Variants in KDM4C observed in about 807,000 individuals in gnomAD.
KDM4C encodes the protein lysine-specific demethylase 4C.
KDM4C carries 81 observed loss-of-function variants against 129.3 expected under a neutral mutation model. The ratio of observed to expected loss-of-function variants is 0.63; its 90% confidence interval spans 0.52 to 0.75. The LOEUF (loss-of-function observed/expected upper bound fraction) is 0.75. KDM4C is among the 30% of genes least tolerant of loss of function. The probability of loss-of-function intolerance (pLI) is 0.00; values close to 1 mark genes in which losing one functional copy is unlikely to be tolerated. For missense variants in KDM4C, 1,457 were observed against 1,304.0 expected, an observed-to-expected ratio of 1.12 and a Z score of -1.81; for synonymous variants, 573 against 456.1, an observed-to-expected ratio of 1.26 and a Z score of -3.26.
At chr9:6,959,408 T>C (rs1190410114) in intron 8 of KDM4C, among the ~76,000 whole-genome samples, 2 of 152,224 alleles carry the variant, frequency 1.3e-5, no homozygotes, top group East Asian at 3.8e-4. Context: ...TTGGAGAATA[T>C]GCCTTGAAGA....
intron 8 of KDM4C, among the ~76,000 whole-genome samples, chr9:6,933,084 C>T (rs535902599): frequency 1.3e-4 from 20 of 152,030 alleles, no homozygotes; most frequent in African/African-American, 3.6e-4. Flanking sequence ...ATTTTAATTC[C>T]GTAAGAAGTA....
At position 6,803,072 on chromosome 9, in the gene KDM4C, C is replaced by T. The variant is rs370717572; in HGVS notation, c.145-2527C>T. Among the ~76,000 whole-genome samples, 31 of 152,258 alleles carry T rather than the reference C, an allele frequency of 2.0e-4. No individual in the cohort carries two copies. In the South Asian group the frequency reaches 5.0e-3, roughly 24 times the overall value. ...CCAGCAATGAAGTCATTGCCATAAA[C>T]ACCGTAATTGTGGTTACCTCTTGGG... On this transcript the variant is annotated intron_variant, in intron 2 of 21. Transcript: ENST00000381309.
chr9:6,906,025 C>G (rs937499385), intron 8 of KDM4C, among the ~76,000 whole-genome samples: 1 of 151,958 alleles, frequency 6.6e-6, no homozygotes. Context: ...GAGTAAGTGA[C>G]GCATAGCTAC....
At position 6,793,003 on chromosome 9, in the gene KDM4C, GGTGGAA is replaced by G; in HGVS notation, c.16_21del (p.Val6_Glu7del). 1 of 1,614,176 alleles carries G rather than the reference GGTGGAA, an allele frequency of 6.2e-7. No homozygotes were observed. Among genetic ancestry groups the G allele is most frequent in the Non-Finnish European group, 8.5e-7 (1 of 1,180,032 alleles). ...CCCTAACCATCATGGAGGTGGCCGA[GGTGGAA>G]AGTCCTCTGAACCCCAGCTGTAAGA... is the stretch of plus-strand genomic sequence containing the variant. On this transcript the variant is annotated inframe_deletion, in exon 2 of 22. Transcript: ENST00000381309.
rs577226838 is a variant in KDM4C at position 6,823,500 on chromosome 9, G to T, written c.435+8755G>T. Among the ~76,000 whole-genome samples the T allele has an allele frequency of 2.4e-4, 36 of 152,300 alleles. No homozygotes were observed. In the South Asian group the frequency reaches 7.5e-3, roughly 32 times the overall value. On this transcript the variant is annotated intron_variant, in intron 4 of 21. Coordinates refer to ENST00000381309, the MANE Select transcript of KDM4C (RefSeq NM_015061.6). ...CCACACTTCACTGTGAGGGGATGGT[G>T]CCCTACCTGTCACCTTCAACTTCTG...
chr9:6,933,826 A>C (rs945559478), intron 8 of KDM4C, among the ~76,000 whole-genome samples: 1 of 151,664 alleles, frequency 6.6e-6, no homozygotes, highest in Non-Finnish European at 1.5e-5. Flanking sequence ...ATTTTTTTCC[A>C]GGTCTTCCTG....
chr9:7,103,933 T>A, intron 18 of KDM4C, 63 bp downstream of exon 18: 2 of 1,411,750 alleles, frequency 1.4e-6, no homozygotes, highest in Non-Finnish European at 2.0e-6. Flanking sequence ...TGTTTTAGAC[T>A]ACCTCCCAGA....
intron 2 of KDM4C, among the ~76,000 whole-genome samples, chr9:6,795,621 C>T (rs536686432): frequency 2.1e-4 from 32 of 151,352 alleles, no homozygotes; most frequent in African/African-American, 6.8e-4. Context: ...CATGAGCCAC[C>T]GTGCCCGGAC....
intron 2 of KDM4C, among the ~76,000 whole-genome samples, chr9:6,797,727 T>G (rs73639364): frequency 0.017 from 2,621 of 152,290 alleles, 72 homozygotes; most frequent in African/African-American, 0.059. Context: ...GAAGAAAGAT[T>G]ATAAGAAGCA....
intron 4 of KDM4C, among the ~76,000 whole-genome samples, chr9:6,848,163 G>A (rs1310446215): frequency 1.3e-5 from 2 of 152,050 alleles, no homozygotes; most frequent in Non-Finnish European, 2.9e-5. Context: ...CAAAGTGCTG[G>A]GATTACAGGC....
At chr9:6,952,946 T>G (rs1049173816) in intron 8 of KDM4C, among the ~76,000 whole-genome samples, 1 of 152,230 alleles carries the variant, frequency 6.6e-6, no homozygotes, top group Non-Finnish European at 1.5e-5. Flanking sequence ...TTTTTAAAGA[T>G]TTTACTTCTT....
chr9:6,894,123 G>A (rs1480746192), intron 8 of KDM4C, among the ~76,000 whole-genome samples: 1 of 152,180 alleles, frequency 6.6e-6, no homozygotes, highest in East Asian at 1.9e-4. Context: ...ACTTACATGT[G>A]GAGCCATCAG....
chr9:6,746,997 C>G (rs1287422286), intron 1 of KDM4C, among the ~76,000 whole-genome samples: 1 of 110,772 alleles, frequency 9.0e-6, no homozygotes, highest in African/African-American at 3.9e-5. Context: ...GAGCTAGACT[C>G]CGTCTCAAAA....
chr9:7,127,139 G>C (rs957932158), intron 18 of KDM4C, among the ~76,000 whole-genome samples: 3 of 152,130 alleles, frequency 2.0e-5, no homozygotes, highest in Non-Finnish European at 4.4e-5. Context: ...ATGTGGATGG[G>C]TGATAGAGCA....
intron 2 of KDM4C, 61 bp downstream of exon 2, chr9:6,793,193 A>T (rs1827050629): frequency 1.9e-6 from 3 of 1,555,530 alleles, no homozygotes; most frequent in Non-Finnish European, 2.6e-6. Context: ...TTATGTTCTT[A>T]GTTTTCACGA....
chr9:7,163,530 A>G (rs7032509), intron 19 of KDM4C, among the ~76,000 whole-genome samples: 40,150 of 152,076 alleles, frequency 0.26, 5,635 homozygotes, highest in Middle Eastern at 0.37. Context: ...CTTTAGCAGC[A>G]GGAGAAGCAT....
At chr9:7,051,973 A>G (rs1830211529) in intron 17 of KDM4C, among the ~76,000 whole-genome samples, 1 of 152,186 alleles carries the variant, frequency 6.6e-6, no homozygotes, top group Non-Finnish European at 1.5e-5. Flanking sequence ...ATTGCCAGCT[A>G]TCCCCTGGGA....
At chr9:7,071,934 T>C (rs1256180342) in intron 17 of KDM4C, among the ~76,000 whole-genome samples, 4 of 152,104 alleles carry the variant, frequency 2.6e-5, no homozygotes, top group Non-Finnish European at 5.9e-5. Context: ...GGAACTTGTC[T>C]CCAGGATATA....
chr9:6,967,105 C>T (rs774797932), intron 8 of KDM4C, among the ~76,000 whole-genome samples: 3 of 152,082 alleles, frequency 2.0e-5, no homozygotes, highest in Non-Finnish European at 4.4e-5. Flanking sequence ...ACTAAAGCAT[C>T]TCCCTGAAAA....
Sources: gnomAD v4.1 joint callset for allele counts (sites outside exome capture counted in the v4.1 genomes callset) on GRCh38, gnomAD v4.1.1 for gene constraint, MANE v1.5 for transcripts, NCBI Gene and HGNC (gene_info 2026-07-23, HGNC 2026-07-21) for gene names.